FRMD6: variants seen among roughly 807,000 people sequenced by gnomAD.
FRMD6 encodes the protein FERM domain containing 6, also known as FERM domain-containing protein 6.
FRMD6 carries 37 observed loss-of-function variants against 73.2 expected under a neutral mutation model. The ratio of observed to expected loss-of-function variants is 0.51; its 90% CI spans 0.39 to 0.66. The LOEUF (loss-of-function observed/expected upper bound fraction) is 0.66, where lower values mean the gene tolerates loss of function less well. FRMD6 is among the 30% of genes least tolerant of loss of function. The pLI, the probability that FRMD6 is intolerant of heterozygous loss-of-function variation, is 0.00. For synonymous variants in FRMD6, 273 were observed against 282.2 expected (o/e 0.97, Z 0.33); for missense variants, 714 against 780.5 (o/e 0.91, Z 1.02).
At chr14:51,477,043 A>G in the FRMD6 span, among the ~76,000 whole-genome samples, 9,607 of 152,284 alleles carry the variant, frequency 0.063, 538 homozygotes, top group Admixed American at 0.19. Context: ...GTTCCCAATG[A>G]AGAAATTGAA....
the FRMD6 span, among the ~76,000 whole-genome samples, chr14:51,422,627 AATTG>A: frequency 2.6e-5 from 4 of 152,242 alleles, no homozygotes; most frequent in Non-Finnish European, 5.9e-5. Flanking sequence ...ATTGCAATAA[AATTG>A]ATTAGTAAGG....
At chr14:51,532,812 A>C (rs185672160) in intron 1 of FRMD6, among the ~76,000 whole-genome samples, 1 of 152,272 alleles carries the variant, frequency 6.6e-6, no homozygotes, top group East Asian at 1.9e-4. Context: ...CCACAAACTG[A>C]CCTTCTCAAC....
upstream of FRMD6, chr14:51,650,307 C>T (rs1346431305): frequency 2.0e-5 from 3 of 152,070 alleles, no homozygotes; most frequent in African/African-American, 7.2e-5. Context: ...AAACTGAATT[C>T]CTTTGCCATG....
the FRMD6 span, among the ~76,000 whole-genome samples, chr14:51,417,920 C>A: frequency 6.6e-6 from 1 of 152,100 alleles, no homozygotes. Flanking sequence ...GTCACTGATA[C>A]CCTTTCTTCC....
intron 3 of FRMD6, among the ~76,000 whole-genome samples, chr14:51,699,835 T>C (rs2140434367): frequency 6.6e-6 from 1 of 152,168 alleles, no homozygotes; most frequent in African/African-American, 2.4e-5. Context: ...CAAATCAGTT[T>C]CGACAGGAAG....
intron 2 of FRMD6, among the ~76,000 whole-genome samples, chr14:51,636,819 GC>G (rs917725315): frequency 3.3e-5 from 5 of 152,170 alleles, no homozygotes; most frequent in African/African-American, 1.2e-4. Flanking sequence ...GAAGCAGGGA[GC>G]CCCTTTCCCA....
At chr14:51,509,585 A>G (rs1013573691) in intron 1 of FRMD6, among the ~76,000 whole-genome samples, 5 of 152,130 alleles carry the variant, frequency 3.3e-5, no homozygotes, top group African/African-American at 1.2e-4. Context: ...TAGCAGGACA[A>G]AGGTTTGCCA....
At chr14:51,642,713 G>C (rs975830294) in intron 2 of FRMD6, among the ~76,000 whole-genome samples, 1 of 152,134 alleles carries the variant, frequency 6.6e-6, no homozygotes, top group African/African-American at 2.4e-5. Context: ...ATTTCTGTAG[G>C]AGGAAGATGG....
Position 51,621,795 on chromosome 14 carries a change from ACAGATTCTACCAGACCCAGCTGGGT to A in FRMD6, c.-147+51390_-147+51414del, listed in dbSNP as rs537544238. Among the ~76,000 whole-genome samples, 280 of 152,304 alleles carry A rather than the reference ACAGATTCTACCAGACCCAGCTGGGT, an allele frequency of 1.8e-3. 1 individual carries two copies. The highest frequency in any genetic ancestry group is 6.5e-3 in the African/African-American group (270 of 41,558). On this transcript the variant is annotated intron_variant, in intron 2 of 14. Transcript: ENST00000356218. ...ATTACCCCTACTTTAAGATTGAGAA[ACAGATTCTACCAGACCCAGCTGGGT>A]CAGAAAGCCAGTGAGGGTACTAAAA...
At chr14:51,488,030 C>T (rs181432864), upstream of FRMD6, among the ~76,000 whole-genome samples, 7 of 152,284 alleles carry the variant, frequency 4.6e-5, no homozygotes, top group Admixed American at 3.3e-4. Flanking sequence ...GATGTAGTAA[C>T]GAGATCTGCT....
At chr14:51,482,109 C>A in the FRMD6 span, among the ~76,000 whole-genome samples, 3 of 152,126 alleles carry the variant, frequency 2.0e-5, no homozygotes, top group Admixed American at 1.3e-4. Flanking sequence ...AGATGTCTAG[C>A]AAAGGGTAAC....
At chr14:51,655,962 A>G (rs1248140743) in intron 1 of FRMD6, among the ~76,000 whole-genome samples, 1 of 152,264 alleles carries the variant, frequency 6.6e-6, no homozygotes, top group Admixed American at 6.5e-5. Context: ...TTTAAGTGCT[A>G]ATGATTCTAC....
intron 1 of FRMD6, among the ~76,000 whole-genome samples, chr14:51,564,528 G>T (rs1359825431): frequency 1.3e-5 from 2 of 152,158 alleles, no homozygotes; most frequent in Non-Finnish European, 2.9e-5. Flanking sequence ...GCAGCTCCGG[G>T]GTCTGAGAGA....
chr14:51,583,111 C>A (rs1888826587), intron 2 of FRMD6, among the ~76,000 whole-genome samples: 2 of 152,082 alleles, frequency 1.3e-5, no homozygotes, highest in Admixed American at 1.3e-4. Context: ...ATTCTCATTC[C>A]CAACTCTTAG....
intron 1 of FRMD6, among the ~76,000 whole-genome samples, chr14:51,680,856 G>A (rs1183448895): frequency 1.3e-5 from 2 of 151,992 alleles, no homozygotes; most frequent in African/African-American, 4.8e-5. Context: ...ACACTTTAGT[G>A]AGTACTTTTG....
At chr14:51,701,385 GTAGTATATATACT>G (rs1355019815) in intron 4 of FRMD6, among the ~76,000 whole-genome samples, 2 of 141,232 alleles carry the variant, frequency 1.4e-5, no homozygotes, top group African/African-American at 5.2e-5. Context: ...TATATATATA[GTAGTATATATACT>G]TAGTATATAT....
chr14:51,582,740 A>G (rs1201296510), intron 2 of FRMD6, among the ~76,000 whole-genome samples: 1 of 152,196 alleles, frequency 6.6e-6, no homozygotes, highest in Non-Finnish European at 1.5e-5. Flanking sequence ...GTGGTGAGAA[A>G]TACAACAAAA....
At chr14:51,412,515 A>G in the FRMD6 span, among the ~76,000 whole-genome samples, 2 of 152,150 alleles carry the variant, frequency 1.3e-5, no homozygotes, top group Non-Finnish European at 2.9e-5. Context: ...ACAGTCATTC[A>G]TGCTTTTGTC....
intron 2 of FRMD6, among the ~76,000 whole-genome samples, chr14:51,628,504 T>G (rs1415274044): frequency 6.6e-6 from 1 of 152,030 alleles, no homozygotes; most frequent in Admixed American, 6.5e-5. Flanking sequence ...TCTGTCTCTA[T>G]AGATTTTAAA....
Sources: gnomAD v4.1 joint callset for allele counts (sites outside exome capture counted in the v4.1 genomes callset) on GRCh38, gnomAD v4.1.1 for gene constraint, MANE v1.5 for transcripts, NCBI Gene and HGNC (gene_info 2026-07-23, HGNC 2026-07-21) for gene names.